MSRA: variants seen among roughly 807,000 people sequenced by gnomAD.
MSRA encodes methionine sulfoxide reductase A, also known as mitochondrial peptide methionine sulfoxide reductase.
Under a neutral mutation model 31.3 loss-of-function variants are expected in MSRA, and 54 were observed. The ratio of observed to expected loss-of-function variants is 1.73; its 90% CI spans 1.39 to 2.17. The LOEUF (loss-of-function observed/expected upper bound fraction) is 2.17. Among genes scored for constraint, MSRA ranks in the 30% most tolerant of loss-of-function variants. The probability of loss-of-function intolerance (pLI) is 0.00; values close to 1 mark genes in which losing one functional copy is unlikely to be tolerated. For missense variants in MSRA, 507 were observed against 300.9 expected (o/e 1.69, Z -5.07); for synonymous variants, 169 against 116.5 (o/e 1.45, Z -2.90).
At chr8:10,258,847 C>T (rs1363374968) in intron 3 of MSRA, among the ~76,000 whole-genome samples, 2 of 152,200 alleles carry the variant, frequency 1.3e-5, no homozygotes, top group African/African-American at 2.4e-5. Flanking sequence ...AGGCTCATGC[C>T]TGTAATCCCA....
intron 1 of MSRA, among the ~76,000 whole-genome samples, chr8:10,206,305 C>T (rs1808970486): frequency 6.6e-6 from 1 of 152,216 alleles, no homozygotes; most frequent in African/African-American, 2.4e-5. Flanking sequence ...TTCCATCACA[C>T]ATCTGCTAAT....
At chr8:10,123,265 C>G (rs980199359) in intron 1 of MSRA, among the ~76,000 whole-genome samples, 1 of 152,196 alleles carries the variant, frequency 6.6e-6, no homozygotes. Flanking sequence ...ATTTGCATTT[C>G]TCTAATGATC....
intron 5 of MSRA, among the ~76,000 whole-genome samples, chr8:10,335,462 G>A (rs1802982717): frequency 6.6e-6 from 1 of 151,992 alleles, no homozygotes; most frequent in African/African-American, 2.4e-5. Context: ...AATTATCTTC[G>A]TCTTGCTGGG....
intron 5 of MSRA, among the ~76,000 whole-genome samples, chr8:10,422,318 C>G (rs1347478046): frequency 1.3e-5 from 2 of 152,168 alleles, no homozygotes; most frequent in African/African-American, 2.4e-5. Flanking sequence ...GCATGGTGCA[C>G]TTTCTGTGCC....
At chr8:10,095,026 A>T (rs1799053853) in intron 1 of MSRA, among the ~76,000 whole-genome samples, 1 of 152,228 alleles carries the variant, frequency 6.6e-6, no homozygotes, top group Admixed American at 6.5e-5. Context: ...GATCAATCAA[A>T]ACTATATTCA....
intron 5 of MSRA, among the ~76,000 whole-genome samples, chr8:10,368,514 C>T (rs1004651512): frequency 6.6e-6 from 1 of 152,130 alleles, no homozygotes; most frequent in African/African-American, 2.4e-5. Context: ...GCAGAGGGGC[C>T]GGGAGGCGAC....
At chr8:10,334,223 T>C (rs926881853) in intron 5 of MSRA, among the ~76,000 whole-genome samples, 5 of 151,932 alleles carry the variant, frequency 3.3e-5, no homozygotes, top group African/African-American at 1.2e-4. Context: ...TGTCTGGGTA[T>C]ATATACACAC....
intron 5 of MSRA, among the ~76,000 whole-genome samples, chr8:10,414,740 C>T (rs1023259808): frequency 7.9e-5 from 12 of 152,176 alleles, no homozygotes; most frequent in African/African-American, 2.9e-4. Flanking sequence ...GCATTTCATC[C>T]CCAAGGTGAA....
intron 3 of MSRA, among the ~76,000 whole-genome samples, chr8:10,283,836 T>TATATATATATATATAC (rs1261287031): frequency 7.5e-5 from 4 of 53,164 alleles, no homozygotes; most frequent in African/African-American, 1.7e-4. Context: ...TATATATATA[T>TATATATATATATATAC]ACACACACAC....
chr8:10,146,002 C>G (rs116197775), intron 1 of MSRA, among the ~76,000 whole-genome samples: 1 of 152,060 alleles, frequency 6.6e-6, no homozygotes, highest in African/African-American at 2.4e-5. Context: ...GTAAACAGAC[C>G]GTATATTTAT....
At chr8:10,317,536 C>T (rs1167073096) in intron 4 of MSRA, among the ~76,000 whole-genome samples, 5 of 152,184 alleles carry the variant, frequency 3.3e-5, no homozygotes, top group Non-Finnish European at 1.5e-5. Context: ...GGAGAAATCT[C>T]AAGCAGTTGG....
Position 10,095,370 on chromosome 8 carries a change from G to C in MSRA, c.142+40712G>C, listed in dbSNP as rs558822902. On this transcript the variant is annotated intron_variant, in intron 1 of 5. Transcript: ENST00000317173. ...AGGTAGGATACCATGAAATCTGTAA[G>C]GTGATTTGGCAGAAGTCGATGCTGT... Among the ~76,000 whole-genome samples the C allele has an allele frequency of 3.9e-5, 6 of 152,326 alleles. No homozygotes were observed. In the South Asian group the frequency reaches 6.2e-4, roughly 16 times the overall value.
At chr8:10,353,513 G>T (rs535913793) in intron 5 of MSRA, 1 of 432,270 alleles carries the variant, frequency 2.3e-6, no homozygotes, top group South Asian at 1.7e-5. Context: ...ATCTGTGTTA[G>T]CAGTTGGTCC....
At chr8:10,208,090 T>C (rs1027892192) in intron 2 of MSRA, among the ~76,000 whole-genome samples, 189 bp downstream of exon 2, 2 of 152,248 alleles carry the variant, frequency 1.3e-5, no homozygotes, top group Non-Finnish European at 2.9e-5. Flanking sequence ...CTATAGAATT[T>C]AGCGTGCTTT....
intron 1 of MSRA, among the ~76,000 whole-genome samples, chr8:10,152,763 G>A (rs976927936): frequency 5.9e-5 from 9 of 152,186 alleles, no homozygotes; most frequent in East Asian, 1.9e-4. Flanking sequence ...CCACGTGCCC[G>A]TTGACAGGTG....
chr8:10,153,696 G>T (rs1279561170), intron 1 of MSRA, among the ~76,000 whole-genome samples: 1 of 152,102 alleles, frequency 6.6e-6, no homozygotes. Context: ...GAAGTACGCT[G>T]GCTGCTCTTC....
chr8:10,093,703 T>G (rs769200987), intron 1 of MSRA, among the ~76,000 whole-genome samples: 25 of 152,252 alleles, frequency 1.6e-4, no homozygotes, highest in Non-Finnish European at 3.1e-4. Context: ...TGCAGTTACC[T>G]TTATACTTAC....
rs540911646 is a variant in MSRA, at chr8:10,324,635, A to G, written c.543+4646A>G. On this transcript the variant is annotated intron_variant, in intron 5 of 5. Coordinates refer to ENST00000317173, the MANE Select transcript of MSRA (RefSeq NM_012331.5). ...TGCCTAGGTGACCACTGTGATTTTT[A>G]TCTTAGCTTAGCTTAGCCTGGGTCC... Among the ~76,000 whole-genome samples, 5 of 152,256 alleles carry G rather than the reference A, an allele frequency of 3.3e-5. No individual in the cohort carries two copies. The East Asian group carries it at 9.7e-4, about 29-fold the overall frequency.
intron 1 of MSRA, among the ~76,000 whole-genome samples, chr8:10,078,015 G>A (rs1393936187): frequency 3.3e-5 from 5 of 152,158 alleles, no homozygotes; most frequent in African/African-American, 1.2e-4. Context: ...TGGGATTTAA[G>A]CCCAACCAAT....
Sources: gnomAD v4.1 joint callset for allele counts (sites outside exome capture counted in the v4.1 genomes callset) on GRCh38, gnomAD v4.1.1 for gene constraint, MANE v1.5 for transcripts, NCBI Gene and HGNC (gene_info 2026-07-23, HGNC 2026-07-21) for gene names.